Variants in GALNT14 observed in about 807,000 individuals in gnomAD.
GALNT14 encodes the protein polypeptide N-acetylgalactosaminyltransferase 14.
Under a neutral mutation model 77.5 loss-of-function variants are expected in GALNT14, and 60 were observed. The observed-to-expected ratio is 0.77, with a 90% confidence interval of 0.63 to 0.96. GALNT14 has a LOEUF of 0.96. Ranked by LOEUF, GALNT14 falls within the 40% of genes least tolerant of loss-of-function variation. The probability of loss-of-function intolerance (pLI) is 0.00; values close to 1 mark genes in which losing one functional copy is unlikely to be tolerated. For synonymous variants in GALNT14, 280 were observed against 281.7 expected (o/e 0.99, Z 0.06); for missense variants, 710 against 731.0 (o/e 0.97, Z 0.33).
chr2:31,008,902 C>T (rs1670845758), intron 1 of GALNT14, among the ~76,000 whole-genome samples: 1 of 152,152 alleles, frequency 6.6e-6, no homozygotes, highest in Admixed American at 6.5e-5. Flanking sequence ...GACCATGTGG[C>T]ACTGCTCAGG....
chr2:30,904,935 C>T, the GALNT14 span, among the ~76,000 whole-genome samples: 99 of 151,978 alleles, frequency 6.5e-4, no homozygotes, highest in Middle Eastern at 6.8e-3. Flanking sequence ...TGGGAGGCAC[C>T]CCCCAGCAGG....
Position 30,992,959 on chromosome 2 carries a change from G to A in GALNT14, c.178C>T (p.Arg60Trp), listed in dbSNP as rs148056182. ...CGCCACTTTTTGGCATTCAGATACC[G>A]CCGCTCATCAAACTGGTCCCACAGG... The part of the protein sequence containing the change: ...DDLWDQFDER[R>W]YLNAKKWRVG... Residue 60 changes from arginine to tryptophan, a missense_variant, in exon 2 of 15, where the codon CGG (arginine) becomes TGG (tryptophan). Arg to Trp is a moderately radical substitution (Grantham distance 101). Transcript: ENST00000349752. 2.0e-5 allele frequency: 33 copies of A among 1,614,004 alleles called. No individual in the cohort carries two copies. Among genetic ancestry groups the A allele is most frequent in the African/African-American group, 1.6e-4 (12 of 74,912 alleles).
At chr2:30,967,193 AG>A (rs1668063398) in intron 2 of GALNT14, among the ~76,000 whole-genome samples, 1 of 152,168 alleles carries the variant, frequency 6.6e-6, no homozygotes, top group East Asian at 1.9e-4. Context: ...CTTTTAATAT[AG>A]GGTTCAGAGA....
intron 1 of GALNT14, among the ~76,000 whole-genome samples, chr2:31,062,047 C>A (rs879893709): frequency 6.6e-6 from 1 of 152,150 alleles, no homozygotes; most frequent in Non-Finnish European, 1.5e-5. Context: ...TCAAGTCATA[C>A]TAATTTTTTT....
chr2:31,020,431 C>A (rs1671646095), intron 1 of GALNT14, among the ~76,000 whole-genome samples: 2 of 152,162 alleles, frequency 1.3e-5, no homozygotes, highest in South Asian at 4.1e-4. Context: ...CCCTGGTCCC[C>A]CTCAGGAAAG....
At chr2:30,990,511 A>G (rs1171922189) in intron 2 of GALNT14, among the ~76,000 whole-genome samples, 1 of 152,260 alleles carries the variant, frequency 6.6e-6, no homozygotes, top group Non-Finnish European at 1.5e-5. Flanking sequence ...GGAAGGGCCC[A>G]GTTGAAAGAA....
intron 1 of GALNT14, among the ~76,000 whole-genome samples, chr2:31,108,583 C>T (rs1292643387): frequency 6.6e-6 from 1 of 152,194 alleles, no homozygotes; most frequent in Non-Finnish European, 1.5e-5. Context: ...AAAGGTAACA[C>T]TGGTTGGAGC....
chr2:31,108,117 C>G (rs1469218285), intron 1 of GALNT14, among the ~76,000 whole-genome samples: 1 of 152,284 alleles, frequency 6.6e-6, no homozygotes, highest in South Asian at 2.1e-4. Flanking sequence ...TGGCTGTGAG[C>G]AAACATAGGC....
downstream of GALNT14, among the ~76,000 whole-genome samples, chr2:30,908,906 A>T (rs924145302): frequency 4.7e-5 from 7 of 150,506 alleles, no homozygotes; most frequent in African/African-American, 1.7e-4. Flanking sequence ...ATAACGCCGC[A>T]TATCTACAAC....
intron 1 of GALNT14, among the ~76,000 whole-genome samples, chr2:31,122,294 C>A (rs1678452785): frequency 6.6e-6 from 1 of 152,234 alleles, no homozygotes; most frequent in South Asian, 2.1e-4. Context: ...TGGAAGACTA[C>A]AAGCTCTTCC....
At chr2:31,076,860 C>T (rs1326660599) in intron 1 of GALNT14, among the ~76,000 whole-genome samples, 1 of 151,990 alleles carries the variant, frequency 6.6e-6, no homozygotes, top group African/African-American at 2.4e-5. Context: ...CAAGATGAAC[C>T]AGGACTTAAG....
Position 30,993,022 on chromosome 2 carries a change from T to C in GALNT14, c.130-15A>G. ...GCGTCCGAAGGCTGCGTGACACGAA[T>C]GGGAAGTCTGTGAGAACGGCTCCCT... On this transcript the variant is annotated splice_polypyrimidine_tract_variant and intron_variant, in intron 1 of 14. Transcript: ENST00000349752. The C allele has an allele frequency of 6.2e-7, 1 of 1,613,182 alleles. No individual in the cohort carries two copies. Among genetic ancestry groups the C allele is most frequent in the Non-Finnish European group, 8.5e-7 (1 of 1,179,672 alleles).
intron 1 of GALNT14, among the ~76,000 whole-genome samples, chr2:31,098,105 A>G (rs1004752446): frequency 6.6e-6 from 1 of 152,136 alleles, no homozygotes; most frequent in African/African-American, 2.4e-5. Flanking sequence ...AAGCTGCAAA[A>G]CAAGCATTTA....
intron 1 of GALNT14, among the ~76,000 whole-genome samples, chr2:31,074,839 T>C (rs1275735437): frequency 6.6e-6 from 1 of 152,092 alleles, no homozygotes; most frequent in East Asian, 1.9e-4. Context: ...TGACTCAGAC[T>C]GTAAAGGCCA....
At chr2:30,913,023 A>G (rs1234985843) in intron 13 of GALNT14, among the ~76,000 whole-genome samples, 1 of 152,104 alleles carries the variant, frequency 6.6e-6, no homozygotes, top group Non-Finnish European at 1.5e-5. Context: ...AATTGGATTG[A>G]CAAGCAGAGT....
At chr2:30,886,953 A>G in the GALNT14 span, among the ~76,000 whole-genome samples, 3 of 152,230 alleles carry the variant, frequency 2.0e-5, no homozygotes, top group Non-Finnish European at 4.4e-5. Context: ...TTCTGTCTTC[A>G]TGGATTGACT....
intron 1 of GALNT14, among the ~76,000 whole-genome samples, chr2:31,125,446 G>A (rs902570187): frequency 1.5e-5 from 2 of 131,878 alleles, no homozygotes; most frequent in African/African-American, 5.6e-5. Context: ...TACACGTGGC[G>A]CTCAATGCAT....
chr2:30,979,492 C>T (rs546652285), intron 2 of GALNT14, among the ~76,000 whole-genome samples: 1 of 152,188 alleles, frequency 6.6e-6, no homozygotes, highest in East Asian at 1.9e-4. Flanking sequence ...AGCAGGGAAG[C>T]AGAAGAGACT....
At chr2:30,914,563 C>A (rs116154545) in intron 13 of GALNT14, among the ~76,000 whole-genome samples, 133 of 152,240 alleles carry the variant, frequency 8.7e-4, no homozygotes, top group African/African-American at 3.1e-3. Context: ...TAGAGTAATT[C>A]GGCCATGAGT....
Sources: gnomAD v4.1 joint callset for allele counts (sites outside exome capture counted in the v4.1 genomes callset) on GRCh38, gnomAD v4.1.1 for gene constraint, MANE v1.5 for transcripts, NCBI Gene and HGNC (gene_info 2026-07-23, HGNC 2026-07-21) for gene names.